Variants in PCDHGB1 observed in about 807,000 individuals in gnomAD.
The protein encoded by PCDHGB1 is protocadherin gamma subfamily B, 1.
Under a neutral mutation model 56.6 loss-of-function variants are expected in PCDHGB1, and 34 were observed. That is an observed-to-expected ratio of 0.60 (90% confidence interval 0.46 to 0.80). The LOEUF is 0.80. Ranked by LOEUF, PCDHGB1 falls within the 30% of genes least tolerant of loss-of-function variation. PCDHGB1 has a pLI of 0.00. For synonymous variants in PCDHGB1, 561 were observed against 505.9 expected (o/e 1.11, Z -1.46); for missense variants, 1,278 against 1,204.6 (o/e 1.06, Z -0.90).
At chr5:141,371,563 T>TC in intron 1 of PCDHGB1, 1 of 1,613,806 alleles carries the variant, frequency 6.2e-7, no homozygotes, top group Non-Finnish European at 8.5e-7. Context: ...AAAGGAAACT[T>TC]CCCCTTTAAA....
chr5:141,424,878 G>A (rs1455273258), intron 1 of PCDHGB1, among the ~76,000 whole-genome samples: 2 of 152,162 alleles, frequency 1.3e-5, no homozygotes, highest in African/African-American at 4.8e-5. Context: ...GAGGAAAGGA[G>A]ACTTATCTAG....
intron 1 of PCDHGB1, chr5:141,371,810 G>A (rs374995933): frequency 5.6e-6 from 9 of 1,613,756 alleles, no homozygotes; most frequent in Middle Eastern, 1.6e-4. Context: ...CCTCCATTGC[G>A]CATGTCAGAG....
chr5:141,428,043 A>C (rs765740380), intron 1 of PCDHGB1: 1 of 1,608,722 alleles, frequency 6.2e-7, no homozygotes, highest in South Asian at 1.1e-5. Context: ...CTACCTGGTG[A>C]CCAAGGTGGT....
chr5:141,404,676 T>G lies in PCDHGB1; in HGVS notation c.2409+52007T>G, dbSNP rs904942152. The stretch of plus-strand genomic sequence containing the variant: ...CTCCCCACTGATGGTTCTACTGGTG[T>G]GGAGCTGGCACCCCGCTCTGCAGAG... On this transcript the variant is annotated intron_variant, in intron 1 of 3. Transcript: ENST00000523390. 3.1e-6 allele frequency: 5 copies of G among 1,614,010 alleles called. No individual in the cohort carries two copies. In the African/African-American group the frequency reaches 6.7e-5, roughly 22 times the overall value.
chr5:141,501,288 T>TATACACATAC (rs201660636), intron 2 of PCDHGB1, among the ~76,000 whole-genome samples: 2 of 81,228 alleles, frequency 2.5e-5, no homozygotes, highest in African/African-American at 9.9e-5. Flanking sequence ...GATATTCCCT[T>TATACACATAC]ATACACACAC....
chr5:141,414,148 G>A, intron 1 of PCDHGB1: 1 of 1,598,900 alleles, frequency 6.3e-7, no homozygotes, highest in Non-Finnish European at 8.5e-7. Flanking sequence ...AGAAATACAA[G>A]CAGAAGATGG....
intron 1 of PCDHGB1, chr5:141,427,965 C>T: frequency 6.3e-7 from 1 of 1,590,342 alleles, no homozygotes; most frequent in Non-Finnish European, 8.6e-7. Flanking sequence ...GCCGCGGGTG[C>T]TGTACCCCGC....
chr5:141,390,486 G>GT (rs2092161053), intron 1 of PCDHGB1: 4 of 649,376 alleles, frequency 6.2e-6, no homozygotes, highest in Non-Finnish European at 7.7e-6. Flanking sequence ...ACATTTGTTT[G>GT]TTTTTTAGCC....
chr5:141,392,826 C>T, intron 1 of PCDHGB1: 1 of 1,601,188 alleles, frequency 6.2e-7, no homozygotes, highest in Non-Finnish European at 8.5e-7. Context: ...GGCCGCTCCA[C>T]AGAGTCGCCC....
rs117560542 is a variant in PCDHGB1 at position 141,375,655 on chromosome 5, G to A, written c.2409+22986G>A. ...CCCTGCGCTCCTTCGACTATGAGCA[G>A]TTGAGAGACCTACAGCTGTGGGTGA... is the stretch of plus-strand genomic sequence containing the variant. On this transcript the variant is annotated intron_variant, in intron 1 of 3. Transcript: ENST00000523390. 2.4e-4 allele frequency: 382 copies of A among 1,614,246 alleles called. 5 individuals are homozygous for A. The East Asian group carries it at 8.3e-3, about 35-fold the overall frequency.
chr5:141,369,441 A>T (rs1766249196), intron 1 of PCDHGB1, among the ~76,000 whole-genome samples: 1 of 152,152 alleles, frequency 6.6e-6, no homozygotes, highest in African/African-American at 2.4e-5. Flanking sequence ...CTGAGGTGGG[A>T]GGATTGCTTA....
At chr5:141,375,275 G>A in intron 1 of PCDHGB1, 1 of 1,613,902 alleles carries the variant, frequency 6.2e-7, no homozygotes. Context: ...GGAAAAATCA[G>A]TTGGCAATTA....
At chr5:141,371,256 G>A in intron 1 of PCDHGB1, 2 of 1,614,052 alleles carry the variant, frequency 1.2e-6, no homozygotes, top group East Asian at 2.2e-5. Context: ...TGGCAAGGAA[G>A]TGAGACAACT....
chr5:141,363,061 A>G (rs1240861333), intron 1 of PCDHGB1, among the ~76,000 whole-genome samples: 2 of 152,256 alleles, frequency 1.3e-5, no homozygotes, highest in Admixed American at 6.5e-5. Context: ...CAGTAAGCTA[A>G]ATGTCTTGGA....
Position 141,491,507 on chromosome 5 carries a change from C to G in PCDHGB1, c.2410-3300C>G, listed in dbSNP as rs755899622. The stretch of plus-strand genomic sequence containing the variant: ...AACCTGCAGGTGAGCTCGGACGGCA[C>G]GCTCAAGTACATGGAGGTGACGCTG... On this transcript the variant is annotated intron_variant, in intron 1 of 3. Coordinates refer to ENST00000523390, the MANE Select transcript of PCDHGB1 (RefSeq NM_018922.3). This position sits in a 1 kb window ranked among gnomAD's most constrained non-coding sequence, Gnocchi z 6.9. 1.5e-5 allele frequency: 24 copies of G among 1,614,038 alleles called. No individual in the cohort carries two copies. The highest frequency in any genetic ancestry group is 2.0e-5 in the Non-Finnish European group (24 of 1,180,016).
intron 1 of PCDHGB1, among the ~76,000 whole-genome samples, chr5:141,484,760 A>G (rs1472178052): frequency 2.0e-5 from 3 of 151,880 alleles, no homozygotes; most frequent in South Asian, 2.1e-4. Flanking sequence ...GTATATATAT[A>G]TATATGTTGT....
At chr5:141,426,830 C>A (rs559240163) in intron 1 of PCDHGB1, 301 of 456,662 alleles carry the variant, frequency 6.6e-4, no homozygotes, top group African/African-American at 5.8e-3. Flanking sequence ...TGATGATGGA[C>A]AAGACTAAAG....
chr5:141,404,029 C>T (rs1363448), intron 1 of PCDHGB1: 736,203 of 1,612,620 alleles, frequency 0.46, 175,243 homozygotes, highest in African/African-American at 0.8. Flanking sequence ...TGAGAGAAGA[C>T]GCACCTCAGG....
rs775104626 is a variant in PCDHGB1, at chr5:141,486,636, C to T, written c.2410-8171C>T. On this transcript the variant is annotated intron_variant, in intron 1 of 3. Transcript: ENST00000523390. This position sits in a 1 kb window ranked among gnomAD's most constrained non-coding sequence, Gnocchi z 5.0. ...TCTGACCCAGACTCTGGCTTGAATG[C>T]GCTTATCTCCTACTCACTCCTGGAG... 7 of 1,613,540 alleles carry T rather than the reference C, an allele frequency of 4.3e-6. No individual in the cohort carries two copies. The highest frequency in any genetic ancestry group is 1.3e-5 in the African/African-American group (1 of 74,926).
Sources: gnomAD v4.1 joint callset for allele counts (sites outside exome capture counted in the v4.1 genomes callset) on GRCh38, gnomAD v4.1.1 for gene constraint, Gnocchi (gnomAD v3.1) non-coding constraint, MANE v1.5 for transcripts, NCBI Gene and HGNC (gene_info 2026-07-23, HGNC 2026-07-21) for gene names.